The following ATF7IP variants were observed in gnomAD, a reference collection of about 807,000 sequenced individuals.
The protein encoded by ATF7IP is activating transcription factor 7 interacting protein, also known as activating transcription factor 7-interacting protein 1.
ATF7IP carries 23 observed loss-of-function variants against 106.4 expected under a neutral mutation model. The ratio of observed to expected loss-of-function variants is 0.22; its 90% CI spans 0.16 to 0.31. ATF7IP has a LOEUF of 0.31. Ranked by LOEUF, ATF7IP falls within the 10% of genes least tolerant of loss-of-function variation. The pLI is 1.00. For missense variants in ATF7IP, 1,334 were observed against 1,524.3 expected (o/e 0.88, Z 2.08); for synonymous variants, 542 against 539.0 (o/e 1.01, Z -0.08).
At chr12:14,385,460 A>C (rs1939182820) in intron 1 of ATF7IP, 1 of 1,463,408 alleles carries the variant, frequency 6.8e-7, no homozygotes, top group Non-Finnish European at 9.2e-7. Flanking sequence ...TTAAAAAGGA[A>C]TTTAACTGAG....
At chr12:14,458,647 ACT>A (rs577777380) in intron 8 of ATF7IP, among the ~76,000 whole-genome samples, 2 of 152,044 alleles carry the variant, frequency 1.3e-5, no homozygotes, top group Non-Finnish European at 2.9e-5. Context: ...ACATAGTGAA[ACT>A]CTCTCTCTAC....
In ATF7IP at chr12:14,402,179, G is replaced by A. The variant is rs1364989850; in HGVS notation, c.-7-21730G>A. Among the ~76,000 whole-genome samples, 18 of 132,580 alleles carry A rather than the reference G, an allele frequency of 1.4e-4. No individual in the cohort carries two copies. The Admixed American group carries it at 1.6e-3, about 12-fold the overall frequency. The allele number at this position is 132,580 out of a possible 152,430, so 87.0% of individuals were successfully genotyped here. A position where few individuals can be genotyped will look rare whatever the true frequency, so the allele number is the denominator to read the frequency against. ...GTCTCGTTCTGTAGCCCGGACTGGA[G>A]TGCAGTGGCATGATTATAGTTCACT... On this transcript the variant is annotated intron_variant, in intron 1 of 14. Transcript: ENST00000261168.
chr12:14,424,636 T>C lies in ATF7IP; in HGVS notation c.721T>C (p.Ser241Pro). Residue 241 changes from serine (S) to proline (P), a missense_variant, in exon 2 of 15, where the codon TCT becomes CCT. Physicochemically the swap from Ser to Pro is moderately conservative, Grantham distance 74. Transcript: ENST00000261168. ...SSEITSVDLA[S>P]GAPASTDPAS... is the part of the protein sequence containing the mutation. ...TGAAATAACTTCTGTTGATCTGGCT[T>C]CTGGAGCACCAGCTTCCACTGATCC... The C allele has an allele frequency of 6.2e-7, 1 of 1,613,972 alleles. No individual in the cohort carries two copies. The highest frequency in any genetic ancestry group is 8.5e-7 in the Non-Finnish European group (1 of 1,179,980).
At chr12:14,473,147 ATTTG>A (rs1289420161) in intron 10 of ATF7IP, among the ~76,000 whole-genome samples, 22 of 151,786 alleles carry the variant, frequency 1.4e-4, no homozygotes, top group African/African-American at 5.3e-4. Flanking sequence ...CTATTTTGCT[ATTTG>A]TTTTCTATTC....
chr12:14,412,551 A>C (rs945405566), intron 1 of ATF7IP, among the ~76,000 whole-genome samples: 1 of 152,106 alleles, frequency 6.6e-6, no homozygotes, highest in Non-Finnish European at 1.5e-5. Context: ...TTTTTGGATC[A>C]TTTGTTTCAA....
chr12:14,385,829 G>A (rs1242493027), intron 1 of ATF7IP, among the ~76,000 whole-genome samples: 1 of 151,688 alleles, frequency 6.6e-6, no homozygotes, highest in African/African-American at 2.4e-5. Context: ...GAGGTATTGT[G>A]TGGAAGCTTT....
chr12:14,473,243 CTGTCT>C (rs1253466809), intron 10 of ATF7IP, among the ~76,000 whole-genome samples: 3 of 148,636 alleles, frequency 2.0e-5, no homozygotes, highest in African/African-American at 7.4e-5. Flanking sequence ...TTAAAGCATT[CTGTCT>C]TAATTCCTCT....
intron 1 of ATF7IP, among the ~76,000 whole-genome samples, chr12:14,405,492 A>C (rs1056573471): frequency 7.5e-6 from 1 of 132,758 alleles, no homozygotes; most frequent in African/African-American, 2.9e-5. Flanking sequence ...ATGGCTCACT[A>C]TGACCTTGAC....
At chr12:14,398,899 G>A (rs1176709162) in intron 1 of ATF7IP, among the ~76,000 whole-genome samples, 5 of 151,656 alleles carry the variant, frequency 3.3e-5, no homozygotes, top group Non-Finnish European at 7.4e-5. Flanking sequence ...TTACTCTAAG[G>A]TATGTCTCGT....
At chr12:14,463,995 A>C (rs1943735698) in intron 9 of ATF7IP, among the ~76,000 whole-genome samples, 1 of 152,196 alleles carries the variant, frequency 6.6e-6, no homozygotes, top group Non-Finnish European at 1.5e-5. Flanking sequence ...AGATTTCATT[A>C]AACATCTTGT....
At chr12:14,398,542 A>G (rs1939991847) in intron 1 of ATF7IP, among the ~76,000 whole-genome samples, 1 of 151,204 alleles carries the variant, frequency 6.6e-6, no homozygotes, top group African/African-American at 2.4e-5. Flanking sequence ...ATATTGATGT[A>G]CATTGGCTGT....
chr12:14,387,543 C>T (rs958965731), intron 1 of ATF7IP, among the ~76,000 whole-genome samples: 1 of 152,064 alleles, frequency 6.6e-6, no homozygotes, highest in African/African-American at 2.4e-5. Context: ...CCTTCTATTG[C>T]TAACTGTAAT....
intron 9 of ATF7IP, among the ~76,000 whole-genome samples, chr12:14,464,190 C>A (rs576309714): frequency 2.0e-5 from 3 of 152,182 alleles, no homozygotes; most frequent in African/African-American, 7.2e-5. Context: ...TACATGCCTG[C>A]AGTCCCAGCT....
chr12:14,431,505 C>T (rs1942134696), intron 2 of ATF7IP, among the ~76,000 whole-genome samples: 1 of 152,006 alleles, frequency 6.6e-6, no homozygotes. Flanking sequence ...AGCGACTCTC[C>T]TGTCTCAGCC....
At chr12:14,405,093 A>G (rs1369870560) in intron 1 of ATF7IP, among the ~76,000 whole-genome samples, 1 of 152,204 alleles carries the variant, frequency 6.6e-6, no homozygotes, top group African/African-American at 2.4e-5. Context: ...GCTAGGAAAA[A>G]TTTAGAGTGG....
intron 6 of ATF7IP, among the ~76,000 whole-genome samples, chr12:14,452,908 T>C (rs1417841751): frequency 6.6e-6 from 1 of 152,172 alleles, no homozygotes; most frequent in Non-Finnish European, 1.5e-5. Flanking sequence ...ATGAAACTCC[T>C]TCAGCTTTTA....
intron 13 of ATF7IP, among the ~76,000 whole-genome samples, chr12:14,495,409 G>A (rs1944983172): frequency 6.6e-6 from 1 of 152,190 alleles, no homozygotes. Flanking sequence ...GGAGTCCCTG[G>A]ATCATAGCTT....
Position 14,406,173 on chromosome 12 carries a change from A to G in ATF7IP, c.-7-17736A>G, listed in dbSNP as rs192284582. On this transcript the variant is annotated intron_variant, in intron 1 of 14. Transcript: ENST00000261168. ...GAGTGCAGTGGCGTGATGTCAGCTC[A>G]CTGCAACCTCAGCCTCCTGGGTTCA... Among the ~76,000 whole-genome samples, 190 of 152,214 alleles carry G rather than the reference A, an allele frequency of 1.2e-3. 1 individual carries two copies. The highest frequency in any genetic ancestry group is 0.011 in the Admixed American group (174 of 15,294).
In ATF7IP at chr12:14,496,252, A is replaced by C; in HGVS notation, c.3302A>C (p.Gln1101Pro). 6.2e-7 allele frequency: 1 copy of C among 1,613,356 alleles called. No individual in the cohort carries two copies. Among genetic ancestry groups the C allele is most frequent in the Non-Finnish European group, 8.5e-7 (1 of 1,179,406 alleles). The change falls in exon 14 of 15, where the codon CAA (glutamine) becomes CCA (proline). Residue 1101 changes from glutamine to proline, a missense_variant. Gln to Pro is a moderately conservative substitution (Grantham distance 76). This residue lies in a region of ATF7IP where 370 missense variants were observed against 401.2 expected (regional missense o/e 0.92). Coordinates refer to ENST00000261168, the MANE Select transcript of ATF7IP (RefSeq NM_018179.5). ...GTAGGTGTTACAGTTCGAGTGCCTC[A>C]AACAACCACATATGTTGTAAACAAT... is the stretch of plus-strand genomic sequence containing the variant. Reference protein sequence around the residue: ...PQNSVTVRVPQTTTYVVNNGL... With the variant: ...PQNSVTVRVPPTTTYVVNNGL...
Sources: gnomAD v4.1 joint callset for allele counts (sites outside exome capture counted in the v4.1 genomes callset) on GRCh38, gnomAD v4.1.1 for gene constraint, gnomAD v4.1.1 regional missense constraint, MANE v1.5 for transcripts, NCBI Gene and HGNC (gene_info 2026-07-23, HGNC 2026-07-21) for gene names.